The following TKT variants were observed in gnomAD, a reference collection of about 807,000 sequenced individuals.
The protein encoded by TKT is epididymis luminal protein 107.
TKT carries 47 observed loss-of-function variants against 63.9 expected under a neutral mutation model. The ratio of observed to expected loss-of-function variants is 0.74; its 90% CI spans 0.58 to 0.94. The LOEUF (loss-of-function observed/expected upper bound fraction) is 0.94. Ranked by LOEUF, TKT falls within the 40% of genes least tolerant of loss-of-function variation. TKT has a pLI of 0.00. For missense variants in TKT, 721 were observed against 846.2 expected (o/e 0.85, Z 1.84); for synonymous variants, 338 against 334.1 (o/e 1.01, Z -0.13).
intron 1 of TKT, among the ~76,000 whole-genome samples, chr3:53,247,595 G>A (rs1234774537): frequency 2.5e-5 from 3 of 120,764 alleles, no homozygotes; most frequent in African/African-American, 9.7e-5. Context: ...AGCCGAGATC[G>A]CACCACTGCA....
At chr3:53,244,613 G>A (rs546292552) in intron 1 of TKT, among the ~76,000 whole-genome samples, 7 of 152,294 alleles carry the variant, frequency 4.6e-5, no homozygotes, top group South Asian at 2.1e-4. Context: ...GCACACAGGA[G>A]ACAGTTACTT....
chr3:53,246,126 G>A (rs1705491913), intron 1 of TKT, among the ~76,000 whole-genome samples: 1 of 152,016 alleles, frequency 6.6e-6, no homozygotes, highest in South Asian at 2.1e-4. Flanking sequence ...AAATTAGCTG[G>A]GCATGGTGGC....
At chr3:53,236,281 C>T (rs911444336) in intron 4 of TKT, among the ~76,000 whole-genome samples, 1 of 152,244 alleles carries the variant, frequency 6.6e-6, no homozygotes, top group Non-Finnish European at 1.5e-5. Flanking sequence ...TCCAGGCCTC[C>T]CTGCCGCAGG....
At position 53,255,993 on chromosome 3, in the gene TKT, C is replaced by A. The variant is rs17030930; in HGVS notation, c.-51G>T. 1.6e-4 allele frequency: 211 copies of A among 1,308,640 alleles called. No homozygotes were observed. In the African/African-American group the frequency reaches 2.9e-3, roughly 18 times the overall value. The allele number at this position is 1,308,640 out of a possible 1,614,324, so 81.1% of individuals were successfully genotyped here. ...ACACGCGGACACACAGAGATAGCGG[C>A]TGCTCCCGCGGCGACAGGCGGCTGC... On this transcript the variant is annotated 5_prime_UTR_variant, in exon 1 of 14. Coordinates refer to ENST00000462138, the MANE Select transcript of TKT (RefSeq NM_001064.4).
intron 4 of TKT, 31 bp downstream of exon 4, chr3:53,240,220 C>T (rs782264468): frequency 2.5e-6 from 4 of 1,598,550 alleles, no homozygotes; most frequent in Non-Finnish European, 3.4e-6. Context: ...CCAAAACTAC[C>T]CAGGTTGGGG....
Position 53,240,326 on chromosome 3 carries a change from G to A in TKT, c.362C>T (p.Ala121Val), listed in dbSNP as rs782717951. 3 of 1,612,864 alleles carry A rather than the reference G, an allele frequency of 1.9e-6. No individual in the cohort carries two copies. The South Asian group carries it at 3.3e-5, about 18-fold the overall frequency. The change falls in exon 4 of 14, where the codon GCC (alanine) becomes GTC (valine). Residue 121 changes from alanine to valine, a missense_variant. Physicochemically the swap from Ala to Val is moderately conservative, Grantham distance 64. Transcript: ENST00000462138. Reference protein sequence around the residue: ...PVPKQAFTDVATGSLGQGLGA... With the variant: ...PVPKQAFTDVVTGSLGQGLGA... The stretch of plus-strand genomic sequence containing the variant: ...GAGGCCCTGGCCCAGGGAGCCAGTG[G>A]CCACGTCGGTGAAAGCTTGTTTCTG...
intron 1 of TKT, among the ~76,000 whole-genome samples, 165 bp downstream of exon 1, chr3:53,255,671 G>A (rs961723566): frequency 1.3e-5 from 2 of 151,994 alleles, no homozygotes; most frequent in Non-Finnish European, 2.9e-5. Context: ...GCCGCCTGCA[G>A]CCCGGGGCCC....
intron 1 of TKT, among the ~76,000 whole-genome samples, chr3:53,252,932 C>A (rs143610409): frequency 0.018 from 2,690 of 152,166 alleles, 51 homozygotes; most frequent in Non-Finnish European, 0.026. Context: ...TTCTGCCTCC[C>A]GGGTTCAAGT....
At position 53,255,919 on chromosome 3, in the gene TKT, G is replaced by C; in HGVS notation, c.24C>G (p.Asp8Glu). Reference sequence around the variant, plus strand: ...CCTTCAAGGCCTGCAGCTTCTGCTGGTCAGGCTTGTGGTAGCTCTCCATGG... The same window carrying C: ...CCTTCAAGGCCTGCAGCTTCTGCTGCTCAGGCTTGTGGTAGCTCTCCATGG... MESYHKP[D>E]QQKLQALKDT... Residue 8 changes from aspartate to glutamate, a missense_variant, in exon 1 of 14, where the codon GAC (aspartate) becomes GAG (glutamate). Coordinates refer to ENST00000462138, the MANE Select transcript of TKT (RefSeq NM_001064.4). 2 of 1,544,986 alleles carry C rather than the reference G, an allele frequency of 1.3e-6. No homozygotes were observed. The highest frequency in any genetic ancestry group is 8.7e-7 in the Non-Finnish European group (1 of 1,145,474).
rs373896575 is a variant in TKT at position 53,241,191 on chromosome 3, C to T, written c.280G>A (p.Glu94Lys). ...TTCCTCAGGTTCAGCAGCTCCGCCT[C>T]GGCCAGGAAACCAGCTTCAGCCCAG... ...AVWAEAGFLA[E>K]AELLNLRKIS... The change falls in exon 3 of 14, where the codon GAG (glutamate) becomes AAG (lysine). Residue 94 changes from glutamate (E) to lysine (K), a missense_variant. Transcript: ENST00000462138. The T allele has an allele frequency of 5.1e-5, 81 of 1,597,256 alleles. No individual in the cohort carries two copies. The highest frequency in any genetic ancestry group is 6.9e-5 in the East Asian group (3 of 43,202).
chr3:53,227,354 C>G (rs1329064484), intron 12 of TKT: 1 of 161,908 alleles, frequency 6.2e-6, no homozygotes, highest in Non-Finnish European at 1.4e-5. Flanking sequence ...AAGCTCACCC[C>G]CCTGGGTCTC....
intron 1 of TKT, among the ~76,000 whole-genome samples, chr3:53,250,201 A>C (rs1001968576): frequency 6.6e-6 from 1 of 152,222 alleles, no homozygotes; most frequent in African/African-American, 2.4e-5. Context: ...CTCTTGCCTC[A>C]GTCAGGGCCA....
intron 1 of TKT, among the ~76,000 whole-genome samples, chr3:53,247,063 CT>C (rs67337269): frequency 0.095 from 13,880 of 145,844 alleles, 2,103 homozygotes; most frequent in African/African-American, 0.32. Flanking sequence ...TATGCATATA[CT>C]TTTTTTTTTT....
chr3:53,224,734 C>T lies in TKT; in HGVS notation c.*1022G>A, dbSNP rs1319581752. On this transcript the variant is annotated 3_prime_UTR_variant, in exon 14 of 14. Coordinates refer to ENST00000462138, the MANE Select transcript of TKT (RefSeq NM_001064.4). Reference sequence around the variant, plus strand: ...ACCTTGGCTTTGACAGGTTTATTCTCTCCAGACGGTCAGGAGGACAGGTGG... The same window carrying T: ...ACCTTGGCTTTGACAGGTTTATTCTTTCCAGACGGTCAGGAGGACAGGTGG... The T allele has an allele frequency of 6.6e-6, 1 of 152,288 alleles. No individual in the cohort carries two copies. The highest frequency in any genetic ancestry group is 2.4e-5 in the African/African-American group (1 of 41,452). The allele number at this position is 152,288 out of a possible 1,614,324, so 9.4% of individuals were successfully genotyped here.
chr3:53,241,483 A>C (rs911329788), intron 2 of TKT, among the ~76,000 whole-genome samples: 5 of 152,254 alleles, frequency 3.3e-5, no homozygotes, highest in African/African-American at 1.2e-4. Flanking sequence ...CAGGGGGCAC[A>C]GCTGTGAGGC....
chr3:53,250,104 G>A (rs552948156), intron 1 of TKT, among the ~76,000 whole-genome samples: 2 of 152,292 alleles, frequency 1.3e-5, no homozygotes, highest in East Asian at 1.9e-4. Context: ...GAGGTCACTC[G>A]GGCAGAGAAC....
intron 12 of TKT, chr3:53,227,749 G>C (rs1319951101): frequency 3.1e-6 from 1 of 325,392 alleles, no homozygotes; most frequent in Non-Finnish European, 5.8e-6. Flanking sequence ...ACTAGTGCCT[G>C]GCTGAGTGAT....
At chr3:53,235,455 CTAA>C (rs1559650927) in intron 4 of TKT, 1 of 297,592 alleles carries the variant, frequency 3.4e-6, no homozygotes, top group East Asian at 5.9e-5. Flanking sequence ...AGGGATCTGG[CTAA>C]TAAGATCTAG....
intron 5 of TKT, chr3:53,234,186 TGA>T (rs1704902919): frequency 6.6e-6 from 1 of 152,340 alleles, no homozygotes; most frequent in Non-Finnish European, 1.5e-5. Context: ...TCTCCCTTTC[TGA>T]GGTCAGTCAT....
Sources: gnomAD v4.1 joint callset for allele counts (sites outside exome capture counted in the v4.1 genomes callset) on GRCh38, gnomAD v4.1.1 for gene constraint, MANE v1.5 for transcripts, NCBI Gene and HGNC (gene_info 2026-07-23, HGNC 2026-07-21) for gene names.